Variants in TMPRSS7 observed in about 807,000 individuals in gnomAD.
TMPRSS7 encodes transmembrane protease serine 7.
In TMPRSS7, 81 loss-of-function variants were observed where a neutral mutation model predicts 95.6. That is an observed-to-expected ratio of 0.85 (90% CI 0.71 to 1.02). TMPRSS7 has a LOEUF of 1.02. TMPRSS7 is among the 50% of genes least tolerant of loss of function. TMPRSS7 has a pLI of 0.00. For synonymous variants in TMPRSS7, 364 were observed against 337.8 expected (o/e 1.08, Z -0.85); for missense variants, 945 against 955.2 (o/e 0.99, Z 0.14).
At chr3:112,035,334 A>G (rs4682075) in intron 1 of TMPRSS7, among the ~76,000 whole-genome samples, 43,404 of 152,150 alleles carry the variant, frequency 0.29, 7,187 homozygotes, top group Middle Eastern at 0.38. Context: ...TTAGAAACCC[A>G]GTCCTCATTC....
intron 4 of TMPRSS7, 62 bp from the exon 5 acceptor site, chr3:112,045,688 T>C: frequency 6.9e-7 from 1 of 1,443,250 alleles, no homozygotes; most frequent in East Asian, 2.5e-5. Flanking sequence ...ATCCATCATC[T>C]GGGTATTTCT....
intron 2 of TMPRSS7, among the ~76,000 whole-genome samples, chr3:112,041,689 C>G (rs775478085): frequency 9.8e-5 from 15 of 152,288 alleles, no homozygotes; most frequent in Non-Finnish European, 1.9e-4. Flanking sequence ...TAATCTTGCT[C>G]TTAAGTATTT....
At chr3:112,067,364 C>G (rs548992571) in intron 13 of TMPRSS7, among the ~76,000 whole-genome samples, 2 of 152,176 alleles carry the variant, frequency 1.3e-5, no homozygotes, top group Non-Finnish European at 2.9e-5. Flanking sequence ...ATGGCTGGGT[C>G]AAATGGTATT....
At chr3:112,078,913 T>A (rs1424699174) in intron 17 of TMPRSS7, 35 bp downstream of exon 17, 1 of 1,605,934 alleles carries the variant, frequency 6.2e-7, no homozygotes, top group African/African-American at 1.3e-5. Context: ...CCTAACATGT[T>A]GTGCTTTCCA....
intron 2 of TMPRSS7, among the ~76,000 whole-genome samples, chr3:112,038,959 T>A (rs2073179061): frequency 6.6e-6 from 1 of 152,192 alleles, no homozygotes; most frequent in African/African-American, 2.4e-5. Context: ...AATGCATTTG[T>A]AGCTTTAAAA....
Position 112,045,747 on chromosome 3 carries a change from TAGCA to T in TMPRSS7, c.498-2_499del. The T allele has an allele frequency of 2.6e-6, 4 of 1,546,600 alleles. No individual in the cohort carries two copies. Among genetic ancestry groups the T allele is most frequent in the Admixed American group, 4.0e-5 (2 of 50,438 alleles). ...CCTGATGATCTCTCTTTTTTCGTTA[TAGCA>T]GCAACAACAAAGGCGGCCTCCTTGT... On this transcript the variant is annotated splice_acceptor_variant and coding_sequence_variant, in exon 5 of 18. Transcript: ENST00000452346. LOFTEE classifies it high-confidence loss of function.
chr3:112,058,463 A>C (rs2073459708), intron 10 of TMPRSS7, among the ~76,000 whole-genome samples: 1 of 152,222 alleles, frequency 6.6e-6, no homozygotes, highest in Non-Finnish European at 1.5e-5. Context: ...AATGATTCTT[A>C]ATAAGTTTTT....
At chr3:112,076,776 G>C in intron 15 of TMPRSS7, 100 bp from the exon 16 acceptor site, 2 of 1,389,732 alleles carry the variant, frequency 1.4e-6, no homozygotes, top group Non-Finnish European at 2.0e-6. Context: ...CTGGAAGTCA[G>C]GCCCTTCTTT....
rs148954808 is a variant in TMPRSS7, at chr3:112,052,063, G to A, written c.1203+1280G>A. Among the ~76,000 whole-genome samples, 567 of 152,094 alleles carry A rather than the reference G, an allele frequency of 3.7e-3. 8 individuals carry two copies. Among genetic ancestry groups the A allele is most frequent in the African/African-American group, 0.012 (506 of 41,476 alleles). On this transcript the variant is annotated intron_variant, in intron 9 of 17. Coordinates refer to ENST00000452346, the Ensembl canonical transcript of TMPRSS7. ...CTTACCTTCCAGTAGGGGAAGGCAA[G>A]TAATAAACAAACAAGTTAAATACGC...
intron 9 of TMPRSS7, among the ~76,000 whole-genome samples, chr3:112,052,688 CA>C (rs2073378259): frequency 6.6e-6 from 1 of 152,186 alleles, no homozygotes; most frequent in South Asian, 2.1e-4. Context: ...TCAGTCTCTC[CA>C]CAAAGCAGAT....
intron 13 of TMPRSS7, among the ~76,000 whole-genome samples, chr3:112,070,842 T>A (rs1020020858): frequency 6.6e-6 from 1 of 152,240 alleles, no homozygotes; most frequent in African/African-American, 2.4e-5. Context: ...GTTTGTTACA[T>A]ATGTATACAT....
intron 1 of TMPRSS7, among the ~76,000 whole-genome samples, chr3:112,036,896 A>G (rs2073153250): frequency 6.6e-6 from 1 of 152,218 alleles, no homozygotes; most frequent in African/African-American, 2.4e-5. Context: ...GTCTCTGAAC[A>G]TAAATTGTGA....
chr3:112,037,450 T>C (rs1239085729), intron 1 of TMPRSS7, among the ~76,000 whole-genome samples: 2 of 152,218 alleles, frequency 1.3e-5, no homozygotes, highest in African/African-American at 4.8e-5. Context: ...TCTTGAACCC[T>C]GTTTCCTGCT....
Position 112,076,856 on chromosome 3 carries a change from T to C in TMPRSS7, c.1956-20T>C, listed in dbSNP as rs1398322314. The C allele has an allele frequency of 6.2e-7, 1 of 1,609,286 alleles. No individual in the cohort carries two copies. Among genetic ancestry groups the C allele is most frequent in the Admixed American group, 1.7e-5 (1 of 59,896 alleles). On this transcript the variant is annotated intron_variant, in intron 15 of 17. Coordinates refer to ENST00000452346, the Ensembl canonical transcript of TMPRSS7. ...GGTTCTTTAAGCTGCTAACTTTATG[T>C]TTCATTACTGTTCTATCAGGCTGTC...
At chr3:112,067,647 C>G (rs2073593087) in intron 13 of TMPRSS7, among the ~76,000 whole-genome samples, 1 of 152,204 alleles carries the variant, frequency 6.6e-6, no homozygotes, top group African/African-American at 2.4e-5. Flanking sequence ...AGTGTCTGTT[C>G]ATATCCTTTG....
At chr3:112,065,544 T>C (rs911450291) in intron 12 of TMPRSS7, among the ~76,000 whole-genome samples, 1 of 152,152 alleles carries the variant, frequency 6.6e-6, no homozygotes, top group Non-Finnish European at 1.5e-5. Flanking sequence ...ATAAGGACTG[T>C]TTTTTGGTAA....
intron 1 of TMPRSS7, among the ~76,000 whole-genome samples, chr3:112,037,065 A>G (rs566462025): frequency 6.6e-6 from 1 of 152,328 alleles, no homozygotes. Context: ...ATTGTTCGTA[A>G]AGCATGTGTG....
Position 112,074,314 on chromosome 3 carries a change from G to GAACTT in TMPRSS7, c.1686_1690dup (p.Phe564Ter), listed in dbSNP as rs2073687904. On this transcript the variant is annotated frameshift_variant, in exon 14 of 18. Transcript: ENST00000452346. LOFTEE classifies it high-confidence loss of function. ...TTGTTAGGTATTCCATGCAACAACA[G>GAACTT]AACTTTTAAGTGTGGCAATGATATT... 2 of 1,613,580 alleles carry GAACTT rather than the reference G, an allele frequency of 1.2e-6. No individual in the cohort carries two copies. The highest frequency in any genetic ancestry group is 3.3e-5 in the Admixed American group (2 of 59,978).
intron 9 of TMPRSS7, among the ~76,000 whole-genome samples, chr3:112,052,652 G>T (rs1009842514): frequency 6.6e-6 from 1 of 152,032 alleles, no homozygotes; most frequent in African/African-American, 2.4e-5. Flanking sequence ...GGAAGGAAGA[G>T]GGAAAGGAAA....
Sources: gnomAD v4.1 joint callset for allele counts (sites outside exome capture counted in the v4.1 genomes callset) on GRCh38, gnomAD v4.1.1 for gene constraint, MANE v1.5 for transcripts, NCBI Gene and HGNC (gene_info 2026-07-23, HGNC 2026-07-21) for gene names.